Variants in APOBEC3A observed in about 807,000 individuals in gnomAD.
APOBEC3A encodes apolipoprotein B mRNA editing enzyme catalytic subunit 3A.
Under a neutral mutation model 23.0 loss-of-function variants are expected in APOBEC3A, and 13 were observed. The observed-to-expected ratio is 0.57, with a 90% CI of 0.37 to 0.90. APOBEC3A has a LOEUF of 0.90. APOBEC3A is among the 40% of genes least tolerant of loss of function. The pLI is 0.01. For synonymous variants in APOBEC3A, 74 were observed against 101.3 expected (o/e 0.73, Z 1.62); for missense variants, 179 against 264.9 (o/e 0.68, Z 2.25).
rs930357094 is a variant in APOBEC3A, at chr22:38,959,733, G to A, written c.174+47G>A. On this transcript the variant is annotated intron_variant, in intron 2 of 4. Coordinates refer to ENST00000249116, the MANE Select transcript of APOBEC3A (RefSeq NM_145699.4). ...ATCCGGGCAGGGCCCTTCCAATCCA[G>A]GGACATTCATAGGTAGAAGGTTCCG... 4.4e-6 allele frequency: 7 copies of A among 1,596,172 alleles called. No individual in the cohort carries two copies. The African/African-American group carries it at 8.1e-5, about 18-fold the overall frequency.
intron 1 of APOBEC3A, 23 bp downstream of exon 1, chr22:38,957,743 C>T: frequency 1.9e-6 from 3 of 1,608,668 alleles, no homozygotes; most frequent in Middle Eastern, 1.7e-4. Context: ...CCTCCGAGCA[C>T]CTCTGCGCCT....
At position 38,959,125 on chromosome 22, in the gene APOBEC3A, C is replaced by T. The variant is rs73419917; in HGVS notation, c.30-417C>T. On this transcript the variant is annotated intron_variant, in intron 1 of 4. Transcript: ENST00000249116. ...CCAGTCATCCCCCTCAGGAGTGTCCCTGTCCCGATGCTCGGTGTGGTAGGA... is the reference window on the plus strand; with the variant it reads ...CCAGTCATCCCCCTCAGGAGTGTCCTTGTCCCGATGCTCGGTGTGGTAGGA... 9.2e-3 allele frequency among the ~76,000 whole-genome samples: 1,401 copies of T among 152,272 alleles called. 18 individuals are homozygous for T. Among genetic ancestry groups the T allele is most frequent in the African/African-American group, 0.032 (1,332 of 41,528 alleles).
chr22:38,959,659 C>G lies in APOBEC3A; in HGVS notation c.147C>G (p.Asp49Glu), dbSNP rs1922782394. Residue 49 changes from aspartate (D) to glutamate (E), a missense_variant, in exon 2 of 5, where the codon GAC becomes GAG. This residue lies in a region of APOBEC3A where 87 missense variants were observed against 74.5 expected (regional missense o/e 1.17). Transcript: ENST00000249116. ...RLDNGTSVKM[D>E]QHRGFLHNQA... ...ACAATGGCACCTCGGTCAAGATGGA[C>G]CAGCACAGGGGCTTTCTACACAACC... The G allele has an allele frequency of 1.2e-6, 2 of 1,613,934 alleles. No homozygotes were observed. Among genetic ancestry groups the G allele is most frequent in the Non-Finnish European group, 1.7e-6 (2 of 1,180,000 alleles).
At chr22:38,961,876 G>A (rs866678944) in intron 3 of APOBEC3A, among the ~76,000 whole-genome samples, 195 bp downstream of exon 3, 2 of 152,030 alleles carry the variant, frequency 1.3e-5, no homozygotes, top group African/African-American at 2.4e-5. Flanking sequence ...GTGGCTGGAA[G>A]TGGAAGCAGA....
Position 38,957,709 on chromosome 22 carries a change from A to G in APOBEC3A, c.18A>G (p.Ala6=). 3.1e-6 allele frequency: 5 copies of G among 1,612,694 alleles called. No homozygotes were observed. Among genetic ancestry groups the G allele is most frequent in the Non-Finnish European group, 3.4e-6 (4 of 1,179,324 alleles). Residue 6 remains alanine (A), a synonymous_variant, in exon 1 of 5, where the codon GCA becomes GCG. Coordinates refer to ENST00000249116, the MANE Select transcript of APOBEC3A (RefSeq NM_145699.4). MEASP[A]SGPRHLMDPH... ...ACAAGCACATGGAAGCCAGCCCAGC[A>G]TCCGGGCCCAGGTATGGGAAGCCCC...
Position 38,959,616 on chromosome 22 carries a change from A to G in APOBEC3A, c.104A>G (p.Tyr35Cys). The G allele has an allele frequency of 1.2e-6, 2 of 1,614,152 alleles. No individual in the cohort carries two copies. Among genetic ancestry groups the G allele is most frequent in the Non-Finnish European group, 1.7e-6 (2 of 1,180,002 alleles). Residue 35 changes from tyrosine (Y) to cysteine (C), a missense_variant, in exon 2 of 5, where the codon TAC becomes TGC. Tyr to Cys is a radical substitution (Grantham distance 194). This residue lies in a region of APOBEC3A where 87 missense variants were observed against 74.5 expected (regional missense o/e 1.17). Transcript: ENST00000249116. ...GIGRHKTYLC[Y>C]EVERLDNGTS... ...GGAAGGCATAAGACCTACCTGTGCT[A>G]CGAAGTGGAGCGCCTGGACAATGGC...
At position 38,957,645 on chromosome 22, in the gene APOBEC3A, C is replaced by T. The variant is rs781751447; in HGVS notation, c.-47C>T. On this transcript the variant is annotated 5_prime_UTR_variant, in exon 1 of 5. Transcript: ENST00000249116. The stretch of plus-strand genomic sequence containing the variant: ...TCTTAACACCACGCCTTGAGCAAGT[C>T]GCAAGAGCGGGAGGACACAGACCAG... 1.9e-5 allele frequency: 31 copies of T among 1,605,298 alleles called. No homozygotes were observed. Among genetic ancestry groups the T allele is most frequent in the East Asian group, 1.8e-4 (8 of 44,708 alleles).
At position 38,961,653 on chromosome 22, in the gene APOBEC3A, G is replaced by A. The variant is rs1380000853; in HGVS notation, c.441G>A (p.Gly147=). 6.9e-7 allele frequency: 1 copy of A among 1,457,688 alleles called. No individual in the cohort carries two copies. The highest frequency in any genetic ancestry group is 2.5e-5 in the East Asian group (1 of 39,576). 90.3% of individuals were successfully genotyped at this position (1,457,688 alleles called of 1,614,324 possible). The stretch of plus-strand genomic sequence containing the variant: ...CACTGCAAATGCTGCGGGATGCTGG[G>A]GCCCAAGTCTCCATCATGACCTACG... ...KEALQMLRDA[G]AQVSIMTYDE... Residue 147 remains glycine, a synonymous_variant, in exon 3 of 5, where the codon GGG becomes GGA. Coordinates refer to ENST00000249116, the MANE Select transcript of APOBEC3A (RefSeq NM_145699.4).
Position 38,962,644 on chromosome 22 carries a change from TC to T in APOBEC3A, c.*138del. ...CACAGACGCCAGCAAAGCAGTATGCTCCCGATCAAGTAGATTTTTAAAAAAT... is the reference window on the plus strand; with the variant it reads ...CACAGACGCCAGCAAAGCAGTATGCTCCGATCAAGTAGATTTTTAAAAAAT... On this transcript the variant is annotated 3_prime_UTR_variant, in exon 5 of 5. Coordinates refer to ENST00000249116, the MANE Select transcript of APOBEC3A (RefSeq NM_145699.4). The T allele has an allele frequency of 6.4e-7, 1 of 1,568,074 alleles. No homozygotes were observed. The highest frequency in any genetic ancestry group is 8.6e-7 in the Non-Finnish European group (1 of 1,158,360).
chr22:38,958,645 T>C (rs1269209623), intron 1 of APOBEC3A, among the ~76,000 whole-genome samples: 1 of 150,116 alleles, frequency 6.7e-6, no homozygotes, highest in Non-Finnish European at 1.5e-5. Flanking sequence ...TTTCTTTCTT[T>C]TCTTTCTTTC....
intron 4 of APOBEC3A, 52 bp from the exon 5 acceptor site, chr22:38,962,443 C>T (rs1922948072): frequency 6.3e-7 from 1 of 1,590,084 alleles, no homozygotes; most frequent in Non-Finnish European, 8.6e-7. Flanking sequence ...CTCCCTGTGC[C>T]CTCTTTCCAC....
chr22:38,961,908 T>A (rs369806136), intron 3 of APOBEC3A, among the ~76,000 whole-genome samples, 190 bp from the exon 4 acceptor site: 5 of 151,692 alleles, frequency 3.3e-5, no homozygotes, highest in Admixed American at 2.6e-4. Context: ...TCTGAAAGAA[T>A]GAGAACTGGG....
At position 38,962,528 on chromosome 22, in the gene APOBEC3A, T is replaced by C. The variant is rs1922952792; in HGVS notation, c.*19T>C. On this transcript the variant is annotated 3_prime_UTR_variant, in exon 5 of 5. Transcript: ENST00000249116. ...AAACTGAAGGATGGGCCTCAGTCTC[T>C]AAGGAAGGCAGAGACCTGGGTTGAG... 2 of 1,575,872 alleles carry C rather than the reference T, an allele frequency of 1.3e-6. No individual in the cohort carries two copies. The highest frequency in any genetic ancestry group is 1.4e-5 in the African/African-American group (1 of 73,512).
chr22:38,959,508 T>G (rs1180965204), intron 1 of APOBEC3A, 34 bp from the exon 2 acceptor site: 1 of 1,606,820 alleles, frequency 6.2e-7, no homozygotes, highest in Non-Finnish European at 8.5e-7. Flanking sequence ...AGGAGGGCTC[T>G]TCCTCCTCTG....
At chr22:38,962,253 C>A in intron 4 of APOBEC3A, 40 bp downstream of exon 4, 2 of 1,613,416 alleles carry the variant, frequency 1.2e-6, no homozygotes, top group Non-Finnish European at 1.7e-6. Context: ...CCATCGGCCT[C>A]CCCCTCCTCC....
At position 38,959,706 on chromosome 22, in the gene APOBEC3A, G is replaced by A. The variant is rs199805721; in HGVS notation, c.174+20G>A. ...AACCAGGTGACCGACCCAGCCATCC[G>A]AATCCGGGCAGGGCCCTTCCAATCC... On this transcript the variant is annotated intron_variant, in intron 2 of 4. Coordinates refer to ENST00000249116, the MANE Select transcript of APOBEC3A (RefSeq NM_145699.4). The A allele has an allele frequency of 6.3e-5, 102 of 1,610,710 alleles. No homozygotes were observed. Among genetic ancestry groups the A allele is most frequent in the African/African-American group, 6.0e-4 (45 of 74,958 alleles).
chr22:38,960,927 T>G (rs887617406), intron 2 of APOBEC3A, among the ~76,000 whole-genome samples: 14 of 151,840 alleles, frequency 9.2e-5, no homozygotes, highest in Non-Finnish European at 1.9e-4. Context: ...CCTGCAGGGC[T>G]GGGTCTGGGG....
At chr22:38,958,787 C>CTT (rs1359535987) in intron 1 of APOBEC3A, among the ~76,000 whole-genome samples, 11 of 140,412 alleles carry the variant, frequency 7.8e-5, no homozygotes, top group Admixed American at 2.3e-4. Context: ...TTCTTTCTTT[C>CTT]TTTCTTTCTT....
chr22:38,961,615 C>T lies in APOBEC3A; in HGVS notation c.403C>T (p.Leu135=). The T allele has an allele frequency of 6.6e-7, 1 of 1,506,502 alleles. No individual in the cohort carries two copies. The highest frequency in any genetic ancestry group is 9.1e-7 in the Non-Finnish European group (1 of 1,098,334). 93.3% of individuals were successfully genotyped at this position (1,506,502 alleles called of 1,614,324 possible). A position where few individuals can be genotyped will look rare whatever the true frequency, so the allele number is the denominator to read the frequency against. ...TGCCCGCATCTATGATTACGACCCC[C>T]TATATAAGGAGGCACTGCAAATGCT... ...FAARIYDYDP[L]YKEALQMLRD... is the part of the protein sequence containing the mutation. The change falls in exon 3 of 5, where the codon CTA becomes TTA. Residue 135 remains leucine, a synonymous_variant. Coordinates refer to ENST00000249116, the MANE Select transcript of APOBEC3A (RefSeq NM_145699.4).
Sources: gnomAD v4.1 joint callset for allele counts (sites outside exome capture counted in the v4.1 genomes callset) on GRCh38, gnomAD v4.1.1 for gene constraint, gnomAD v4.1.1 regional missense constraint, MANE v1.5 for transcripts, NCBI Gene and HGNC (gene_info 2026-07-23, HGNC 2026-07-21) for gene names.